SGCD: variants seen among roughly 807,000 people sequenced by gnomAD.
SGCD encodes sarcoglycan delta.
A neutral mutation model predicts 36.6 loss-of-function variants in SGCD; 18 were observed. The ratio of observed to expected loss-of-function variants is 0.49; its 90% CI spans 0.34 to 0.73. The LOEUF is 0.73. Among genes scored for constraint, SGCD ranks in the 30% least tolerant of loss-of-function variants. The pLI is 0.01. For synonymous variants in SGCD, 133 were observed against 130.6 expected (o/e 1.02, Z -0.12); for missense variants, 387 against 346.7 (o/e 1.12, Z -0.92).
At chr5:156,684,187 T>C (rs1197341965) in intron 7 of SGCD, among the ~76,000 whole-genome samples, 1 of 152,066 alleles carries the variant, frequency 6.6e-6, no homozygotes, top group Non-Finnish European at 1.5e-5. Context: ...TAGTGCTCTG[T>C]GGTCTACACT....
At chr5:156,045,384 G>A (rs190626804) in intron 1 of SGCD, among the ~76,000 whole-genome samples, 128 of 152,002 alleles carry the variant, frequency 8.4e-4, no homozygotes, top group South Asian at 5.4e-3. Flanking sequence ...ACACTTTTCC[G>A]TTCCAATATA....
chr5:156,682,755 G>A (rs1387814225), intron 7 of SGCD, among the ~76,000 whole-genome samples: 2 of 151,824 alleles, frequency 1.3e-5, no homozygotes. Flanking sequence ...TGGTATTAGG[G>A]GTCAAGGACC....
At chr5:155,744,227 C>T in the SGCD span, among the ~76,000 whole-genome samples, 414 of 152,048 alleles carry the variant, frequency 2.7e-3, 2 homozygotes, top group African/African-American at 8.6e-3. Flanking sequence ...TTTGGGAGGC[C>T]GAGGTGGGCA....
chr5:156,052,031 G>A (rs1316419422), intron 1 of SGCD, among the ~76,000 whole-genome samples: 1 of 146,256 alleles, frequency 6.8e-6, no homozygotes, highest in East Asian at 1.9e-4. Flanking sequence ...AGTTTAAAGG[G>A]TAAGTAAAGC....
intron 7 of SGCD, among the ~76,000 whole-genome samples, chr5:156,754,822 C>A (rs1218993755): frequency 1.3e-5 from 2 of 152,158 alleles, no homozygotes; most frequent in African/African-American, 4.8e-5. Context: ...TAACACATAG[C>A]TGATGTTTAA....
intron 7 of SGCD, among the ~76,000 whole-genome samples, chr5:156,738,270 T>C (rs1230955529): frequency 2.0e-5 from 3 of 152,124 alleles, no homozygotes; most frequent in Non-Finnish European, 4.4e-5. Context: ...ATGTAATAGT[T>C]TGGGGATGGA....
chr5:155,738,685 TGTGA>T, the SGCD span, among the ~76,000 whole-genome samples: 1 of 148,302 alleles, frequency 6.7e-6, no homozygotes, highest in African/African-American at 2.5e-5. Flanking sequence ...AGAGTGTGTG[TGTGA>T]GAGTGTATAT....
chr5:156,155,757 C>G (rs749645117), intron 3 of SGCD, among the ~76,000 whole-genome samples: 2 of 151,554 alleles, frequency 1.3e-5, no homozygotes, highest in Non-Finnish European at 2.9e-5. Context: ...TGGAGCTTGT[C>G]GAAAGACTGA....
Position 156,708,252 on chromosome 5 carries a change from C to T in SGCD, c.576-49329C>T, listed in dbSNP as rs187053267. Among the ~76,000 whole-genome samples the T allele has an allele frequency of 7.7e-4, 113 of 147,148 alleles. No homozygotes were observed. In the East Asian group the frequency reaches 0.021, roughly 27 times the overall value. On this transcript the variant is annotated intron_variant, in intron 7 of 8. Transcript: ENST00000337851. Reference sequence around the variant, plus strand: ...ATGTATGATAATAGAACAAAGTTGCCTTTTAGTTTTAAGAAAAGCATTCTA... The same window carrying T: ...ATGTATGATAATAGAACAAAGTTGCTTTTTAGTTTTAAGAAAAGCATTCTA...
chr5:156,495,191 C>A (rs1756129679), intron 3 of SGCD, among the ~76,000 whole-genome samples: 1 of 152,084 alleles, frequency 6.6e-6, no homozygotes, highest in Admixed American at 6.6e-5. Context: ...TAGATGTCTC[C>A]TCTGGACCAC....
intron 7 of SGCD, among the ~76,000 whole-genome samples, chr5:156,749,365 A>G (rs921326638): frequency 6.6e-6 from 1 of 152,208 alleles, no homozygotes; most frequent in African/African-American, 2.4e-5. Flanking sequence ...TTAACAAAAC[A>G]GCACATTTTA....
intron 1 of SGCD, among the ~76,000 whole-genome samples, chr5:155,907,261 C>T (rs1005483752): frequency 6.6e-6 from 1 of 152,040 alleles, no homozygotes; most frequent in African/African-American, 2.4e-5. Flanking sequence ...ATTGACAACG[C>T]ACTTGCTTAC....
At chr5:156,685,169 G>A (rs1753860327) in intron 7 of SGCD, among the ~76,000 whole-genome samples, 1 of 152,142 alleles carries the variant, frequency 6.6e-6, no homozygotes, top group Non-Finnish European at 1.5e-5. Flanking sequence ...GAAATGGGTG[G>A]TAGAGTGGAG....
intron 3 of SGCD, among the ~76,000 whole-genome samples, chr5:156,449,677 C>CAAAAAAAAAAAAAAAAAAAAAAAAA: frequency 2.2e-5 from 1 of 46,050 alleles, no homozygotes. Context: ...ACTAAAAATA[C>CAAAAAAAAAAAAAAAAAAAAAAAAA]AAAAAAAAAA....
chr5:155,918,653 T>C (rs1756807761), intron 1 of SGCD, among the ~76,000 whole-genome samples: 1 of 152,186 alleles, frequency 6.6e-6, no homozygotes, highest in African/African-American at 2.4e-5. Flanking sequence ...AAACTTGACC[T>C]CTCTACTTTA....
chr5:155,998,257 A>G (rs1758596338), intron 1 of SGCD, among the ~76,000 whole-genome samples: 1 of 152,230 alleles, frequency 6.6e-6, no homozygotes, highest in Non-Finnish European at 1.5e-5. Flanking sequence ...TGGCAAATGT[A>G]GAATTCTAAT....
chr5:156,514,455 G>A (rs774021977), intron 4 of SGCD, among the ~76,000 whole-genome samples: 18 of 152,148 alleles, frequency 1.2e-4, no homozygotes, highest in East Asian at 3.9e-4. Context: ...TTAGAAGTTC[G>A]GAAGAGGAGA....
intron 1 of SGCD, among the ~76,000 whole-genome samples, chr5:156,102,247 G>A (rs1157711129): frequency 6.6e-6 from 1 of 151,912 alleles, no homozygotes; most frequent in Non-Finnish European, 1.5e-5. Flanking sequence ...GAAAATTAGA[G>A]GGTTGCTAAT....
chr5:156,195,349 G>A (rs908018871), intron 3 of SGCD, among the ~76,000 whole-genome samples: 1 of 152,158 alleles, frequency 6.6e-6, no homozygotes, highest in Admixed American at 6.5e-5. Context: ...AGAAATTAGT[G>A]TAAATGAGAA....
Sources: gnomAD v4.1 joint callset for allele counts (sites outside exome capture counted in the v4.1 genomes callset) on GRCh38, gnomAD v4.1.1 for gene constraint, MANE v1.5 for transcripts, NCBI Gene and HGNC (gene_info 2026-07-23, HGNC 2026-07-21) for gene names.